The following PCNT variants were observed in gnomAD, a reference collection of about 807,000 sequenced individuals.
PCNT encodes the protein pericentrin, also known as kendrin.
A neutral mutation model predicts 380.4 loss-of-function variants in PCNT; 319 were observed. The ratio of observed to expected loss-of-function variants is 0.84; its 90% CI spans 0.77 to 0.92. PCNT has a LOEUF of 0.92. PCNT is among the 40% of genes least tolerant of loss of function. PCNT has a pLI of 0.00. For synonymous variants in PCNT, 1,845 were observed against 1,735.2 expected (o/e 1.06, Z -1.57); for missense variants, 4,400 against 4,255.3 (o/e 1.03, Z -0.95).
rs187253269 is a variant in PCNT at position 46,397,178 on chromosome 21, C to A, written c.4217-87C>A. The A allele has an allele frequency of 1.4e-3, 1,482 of 1,070,452 alleles. 24 individuals are homozygous for A. Among genetic ancestry groups the A allele is most frequent in the Middle Eastern group, 0.012 (46 of 3,808 alleles). 66.3% of individuals were successfully genotyped at this position (1,070,452 alleles called of 1,614,324 possible). On this transcript the variant is annotated intron_variant, in intron 21 of 46. Transcript: ENST00000359568. ...TGACTTCATTTTCGGTGGGTTTTGA[C>A]TGAATCACCATCAGGAGATGCACGT...
chr21:46,400,938 G>A (rs1290278190), intron 25 of PCNT, among the ~76,000 whole-genome samples: 1 of 152,198 alleles, frequency 6.6e-6, no homozygotes, highest in Non-Finnish European at 1.5e-5. Flanking sequence ...ACCTGCACTT[G>A]GAGCGGAGTT....
intron 28 of PCNT, 95 bp downstream of exon 28, chr21:46,412,162 GC>G: frequency 7.1e-7 from 1 of 1,404,976 alleles, no homozygotes; most frequent in Non-Finnish European, 9.7e-7. Context: ...GGCACTGGGG[GC>G]TGCAGTTGTC....
chr21:46,357,211 C>G lies in PCNT; in HGVS notation c.2154+20C>G, dbSNP rs777664271. On this transcript the variant is annotated intron_variant, in intron 13 of 46. Coordinates refer to ENST00000359568, the MANE Select transcript of PCNT (RefSeq NM_006031.6). ...GAGAAGGTGAGTCGTGACTCCACAG[C>G]CCAGCGCCTCCCGCCCGAGTCCTTG... 6.6e-7 allele frequency: 1 copy of G among 1,506,916 alleles called. No homozygotes were observed. The highest frequency in any genetic ancestry group is 1.7e-5 in the Admixed American group (1 of 59,894). 93.3% of individuals were successfully genotyped at this position (1,506,916 alleles called of 1,614,324 possible).
At chr21:46,435,793 C>A in intron 38 of PCNT, 111 bp from the exon 39 acceptor site, 1 of 1,236,628 alleles carries the variant, frequency 8.1e-7, no homozygotes, top group Non-Finnish European at 1.2e-6. Flanking sequence ...CTGCCCGCCT[C>A]GGCCTCCCAA....
rs1346863140 is a variant in PCNT at position 46,412,942 on chromosome 21, C to T, written c.6100C>T (p.Leu2034=). Residue 2034 remains leucine, a synonymous_variant, in exon 29 of 47, where the codon CTG becomes TTG. Coordinates refer to ENST00000359568, the MANE Select transcript of PCNT (RefSeq NM_006031.6). Reference sequence around the variant, plus strand: ...CTGCCAGAGGCAGCTGCAGTCGGAGCTGCTCTTGGTGAAAAATGAAATGCG... The same window carrying T: ...CTGCCAGAGGCAGCTGCAGTCGGAGTTGCTCTTGGTGAAAAATGAAATGCG... ...TVCQRQLQSE[L]LLVKNEMRLS... 4.3e-6 allele frequency: 7 copies of T among 1,611,612 alleles called. No individual in the cohort carries two copies. Among genetic ancestry groups the T allele is most frequent in the African/African-American group, 4.0e-5 (3 of 74,926 alleles).
chr21:46,359,088 G>A (rs1236703807), intron 13 of PCNT, among the ~76,000 whole-genome samples: 1 of 152,120 alleles, frequency 6.6e-6, no homozygotes, highest in African/African-American at 2.4e-5. Flanking sequence ...GATTACAGGT[G>A]TGAGCCACCG....
chr21:46,424,554 T>C (rs563443544), intron 32 of PCNT, among the ~76,000 whole-genome samples: 1 of 152,340 alleles, frequency 6.6e-6, no homozygotes, highest in South Asian at 2.1e-4. Context: ...ATCTCTTCTT[T>C]GTAAGAGATG....
At chr21:46,377,687 A>C (rs1347820828) in intron 15 of PCNT, among the ~76,000 whole-genome samples, 1 of 152,074 alleles carries the variant, frequency 6.6e-6, no homozygotes, top group African/African-American at 2.4e-5. Flanking sequence ...AAAAATACTA[A>C]AAATAAAAAA....
At position 46,388,209 on chromosome 21, in the gene PCNT, C is replaced by CA. The variant is rs1222789518; in HGVS notation, c.3465-520dup. 1.1e-3 allele frequency among the ~76,000 whole-genome samples: 155 copies of CA among 136,352 alleles called. No homozygotes were observed. Among genetic ancestry groups the CA allele is most frequent in the Middle Eastern group, 3.7e-3 (1 of 268 alleles). 89.5% of individuals were successfully genotyped at this position (136,352 alleles called of 152,430 possible). A position where few individuals can be genotyped will look rare whatever the true frequency, so the allele number is the denominator to read the frequency against. ...TGGGCGACAGAGCGAGACTCCATCT[C>CA]AAAAAAAAAAAAAGACAGAAGCATC... On this transcript the variant is annotated intron_variant, in intron 17 of 46. Transcript: ENST00000359568. This position sits in a 1 kb window ranked among gnomAD's most constrained non-coding sequence, Gnocchi z 4.2.
intron 3 of PCNT, among the ~76,000 whole-genome samples, chr21:46,341,066 T>C (rs1158889449): frequency 4.2e-4 from 2 of 4,816 alleles, no homozygotes; most frequent in Non-Finnish European, 7.2e-4. Context: ...GTATTTTTAG[T>C]AGAGATGGGT....
chr21:46,415,610 C>A (rs1415493828), intron 29 of PCNT, among the ~76,000 whole-genome samples: 1 of 152,008 alleles, frequency 6.6e-6, no homozygotes, highest in African/African-American at 2.4e-5. Flanking sequence ...GTCTCGAACT[C>A]CTGACCTCGT....
chr21:46,435,686 G>C (rs970657016), intron 38 of PCNT, among the ~76,000 whole-genome samples: 5 of 152,042 alleles, frequency 3.3e-5, no homozygotes, highest in Non-Finnish European at 7.4e-5. Context: ...GGGACTACAG[G>C]CGCCCGCCAC....
At chr21:46,390,420 G>A (rs1391659394) in intron 19 of PCNT, among the ~76,000 whole-genome samples, 1 of 152,210 alleles carries the variant, frequency 6.6e-6, no homozygotes, top group Non-Finnish European at 1.5e-5. Context: ...GTTGCCAGGG[G>A]AGTGTCTGGA....
chr21:46,326,082 T>A (rs981809572), intron 1 of PCNT, among the ~76,000 whole-genome samples: 5 of 152,154 alleles, frequency 3.3e-5, no homozygotes, highest in East Asian at 1.9e-4. Flanking sequence ...TTTATACAAA[T>A]TTTTTTTAAA....
At chr21:46,440,275 ATT>A in intron 42 of PCNT, 73 bp downstream of exon 42, 1 of 1,548,488 alleles carries the variant, frequency 6.5e-7, no homozygotes, top group African/African-American at 1.4e-5. Context: ...CAGGCAAAGC[ATT>A]TTTGTGACCA....
intron 27 of PCNT, among the ~76,000 whole-genome samples, chr21:46,402,785 C>T (rs1454897245): frequency 2.6e-5 from 4 of 152,088 alleles, no homozygotes; most frequent in African/African-American, 7.2e-5. Context: ...CTGTGAGAGG[C>T]GTGAAGCTAT....
In PCNT at chr21:46,403,171, C is replaced by T. The variant is rs1271328716; in HGVS notation, c.5115+688C>T. ...AGAATTAGTGTGTGTGGTGCCCACG[C>T]GGCGCGTGCTCGGTGAATGAACACA... On this transcript the variant is annotated intron_variant, in intron 27 of 46. Coordinates refer to ENST00000359568, the MANE Select transcript of PCNT (RefSeq NM_006031.6). Among the ~76,000 whole-genome samples the T allele has an allele frequency of 5.4e-5, 8 of 147,724 alleles. No homozygotes were observed. The East Asian group carries it at 6.2e-4, about 11-fold the overall frequency.
intron 2 of PCNT, among the ~76,000 whole-genome samples, chr21:46,333,008 G>A (rs2083605735): frequency 6.6e-6 from 1 of 152,238 alleles, no homozygotes; most frequent in South Asian, 2.1e-4. Flanking sequence ...AGCTACTCAG[G>A]TGGCTGAGGC....
intron 13 of PCNT, among the ~76,000 whole-genome samples, chr21:46,359,723 A>G (rs2084635851): frequency 1.8e-5 from 2 of 111,942 alleles, no homozygotes; most frequent in Non-Finnish European, 4.3e-5. Context: ...TCCTGACCTC[A>G]TGATCTGCCT....
Sources: gnomAD v4.1 joint callset for allele counts (sites outside exome capture counted in the v4.1 genomes callset) on GRCh38, gnomAD v4.1.1 for gene constraint, Gnocchi (gnomAD v3.1) non-coding constraint, MANE v1.5 for transcripts, NCBI Gene and HGNC (gene_info 2026-07-23, HGNC 2026-07-21) for gene names.